LRP1B: variants seen among roughly 807,000 people sequenced by gnomAD.
LRP1B encodes low-density lipoprotein receptor-related protein 1B.
LRP1B carries 217 observed loss-of-function variants against 556.6 expected under a neutral mutation model. The ratio of observed to expected loss-of-function variants is 0.39; its 90% CI spans 0.35 to 0.44. LRP1B has a LOEUF of 0.44. LRP1B is among the 20% of genes least tolerant of loss of function. The probability of loss-of-function intolerance (pLI) is 1.00; values close to 1 mark genes in which losing one functional copy is unlikely to be tolerated. For missense variants in LRP1B, 5,053 were observed against 5,620.8 expected (o/e 0.90, Z 3.23); for synonymous variants, 2,047 against 1,865.8 (o/e 1.10, Z -2.50).
At chr2:141,388,427 C>A (rs1689919347) in intron 3 of LRP1B, among the ~76,000 whole-genome samples, 1 of 151,974 alleles carries the variant, frequency 6.6e-6, no homozygotes, top group Admixed American at 6.6e-5. Context: ...CAGTGCGAGA[C>A]TTCTGTCTCA....
intron 3 of LRP1B, among the ~76,000 whole-genome samples, chr2:141,395,105 A>G (rs1290958233): frequency 6.6e-6 from 1 of 152,110 alleles, no homozygotes; most frequent in African/African-American, 2.4e-5. Flanking sequence ...AGCTGTTGTA[A>G]CCTCATTTTA....
chr2:141,762,397 C>T (rs1694589754), intron 2 of LRP1B, among the ~76,000 whole-genome samples: 1 of 151,988 alleles, frequency 6.6e-6, no homozygotes, highest in Admixed American at 6.6e-5. Flanking sequence ...TTCTAGAGTT[C>T]TGCAGATACT....
intron 2 of LRP1B, among the ~76,000 whole-genome samples, chr2:141,785,203 TGACCTTG>T (rs1489844820): frequency 1.3e-5 from 2 of 151,924 alleles, no homozygotes; most frequent in Admixed American, 1.3e-4. Flanking sequence ...CCTACAGTGA[TGACCTTG>T]GAAACCATAT....
intron 1 of LRP1B, among the ~76,000 whole-genome samples, chr2:142,088,005 A>G (rs141030094): frequency 1.3e-5 from 2 of 152,276 alleles, no homozygotes; most frequent in East Asian, 3.9e-4. Flanking sequence ...GAGCATGCAA[A>G]TTAGGTAAGC....
At chr2:141,249,097 T>C (rs553625139) in intron 4 of LRP1B, among the ~76,000 whole-genome samples, 3 of 152,280 alleles carry the variant, frequency 2.0e-5, no homozygotes, top group South Asian at 2.1e-4. Flanking sequence ...AGGGCAGCCT[T>C]GAGTAAATGT....
At chr2:140,795,578 T>C (rs1352376639) in intron 32 of LRP1B, among the ~76,000 whole-genome samples, 1 of 152,158 alleles carries the variant, frequency 6.6e-6, no homozygotes, top group Non-Finnish European at 1.5e-5. Context: ...TGATACTGAT[T>C]ATGAAAAGAG....
At chr2:142,099,367 A>G (rs1238330552) in intron 1 of LRP1B, among the ~76,000 whole-genome samples, 1 of 151,916 alleles carries the variant, frequency 6.6e-6, no homozygotes, top group Non-Finnish European at 1.5e-5. Flanking sequence ...AAAAGGCTAC[A>G]AACCTATTTT....
intron 6 of LRP1B, among the ~76,000 whole-genome samples, chr2:141,214,408 A>T (rs1682703905): frequency 1.3e-5 from 2 of 152,188 alleles, no homozygotes; most frequent in Admixed American, 1.3e-4. Context: ...CATCAGTTTT[A>T]ATAATAATAA....
intron 1 of LRP1B, among the ~76,000 whole-genome samples, chr2:141,963,164 A>G (rs1043645273): frequency 4.1e-4 from 62 of 152,018 alleles, no homozygotes; most frequent in Middle Eastern, 3.4e-3. Context: ...AGCATTAGAC[A>G]TGTAAAATAT....
chr2:141,044,307 C>T (rs1698799877), intron 11 of LRP1B, among the ~76,000 whole-genome samples: 1 of 151,506 alleles, frequency 6.6e-6, no homozygotes, highest in Admixed American at 6.6e-5. Context: ...GACCTAAAAC[C>T]ATAAAAACCC....
chr2:141,579,079 C>T (rs1686861597), intron 2 of LRP1B, among the ~76,000 whole-genome samples: 1 of 152,278 alleles, frequency 6.6e-6, no homozygotes, highest in South Asian at 2.1e-4. Context: ...ACAAACAAAA[C>T]TATATTGGAT....
At chr2:141,214,422 A>G (rs1010187243) in intron 6 of LRP1B, among the ~76,000 whole-genome samples, 2 of 152,214 alleles carry the variant, frequency 1.3e-5, no homozygotes, top group African/African-American at 2.4e-5. Flanking sequence ...ATAATAAAAC[A>G]TATAGTATTG....
intron 41 of LRP1B, among the ~76,000 whole-genome samples, chr2:140,676,429 C>T (rs1045479774): frequency 1.3e-5 from 2 of 152,144 alleles, no homozygotes; most frequent in African/African-American, 2.4e-5. Flanking sequence ...AAAGCCAATG[C>T]TTTAGAATAC....
rs773696053 is a variant in LRP1B at position 140,702,194 on chromosome 2, A to T, written c.6249T>A (p.Asn2083Lys). Residue 2083 changes from asparagine to lysine, a missense_variant, in exon 39 of 91, where the codon AAT becomes AAA. Coordinates refer to ENST00000389484, the MANE Select transcript of LRP1B (RefSeq NM_018557.3). ...GNREMVLSGS[N>K]VDMFSVAVFG... ...AGACTGCAACTGAAAACATATCCAC[A>T]TTGCTTCCTGACAGCACCATCTCGC... 6.2e-7 allele frequency: 1 copy of T among 1,613,656 alleles called. No individual in the cohort carries two copies.
At chr2:141,027,795 C>T (rs925811490) in intron 11 of LRP1B, among the ~76,000 whole-genome samples, 1 of 152,016 alleles carries the variant, frequency 6.6e-6, no homozygotes, top group Admixed American at 6.6e-5. Context: ...GTGGTGCCCT[C>T]GTAAATGAAG....
At chr2:141,325,546 C>G (rs987851064) in intron 3 of LRP1B, among the ~76,000 whole-genome samples, 2 of 152,100 alleles carry the variant, frequency 1.3e-5, no homozygotes, top group African/African-American at 4.8e-5. Flanking sequence ...ATTTTCCTCT[C>G]ACCCATATTT....
At chr2:141,072,181 A>C (rs774281637) in intron 7 of LRP1B, among the ~76,000 whole-genome samples, 1 of 152,110 alleles carries the variant, frequency 6.6e-6, no homozygotes, top group Non-Finnish European at 1.5e-5. Context: ...ATAAGATTAT[A>C]CTTTGAATGT....
At chr2:141,444,858 T>G (rs1243424625) in intron 3 of LRP1B, among the ~76,000 whole-genome samples, 1 of 152,258 alleles carries the variant, frequency 6.6e-6, no homozygotes, top group Admixed American at 6.5e-5. Context: ...TTCTCATGGA[T>G]GTTCATCAGG....
At chr2:141,928,203 C>T (rs1048178365) in intron 1 of LRP1B, among the ~76,000 whole-genome samples, 2 of 152,092 alleles carry the variant, frequency 1.3e-5, no homozygotes, top group African/African-American at 4.8e-5. Flanking sequence ...TCATATAGTT[C>T]AGGAAAGGAA....
Sources: allele counts gnomAD v4.1 joint callset (sites outside exome capture counted in the v4.1 genomes callset), GRCh38; gene constraint gnomAD v4.1.1; transcripts MANE v1.5; gene names NCBI Gene and HGNC (gene_info 2026-07-23, HGNC 2026-07-21).